The following EXOC6B variants were observed in gnomAD, a reference collection of about 807,000 sequenced individuals.
The protein encoded by EXOC6B is exocyst complex component 6B.
Under a neutral mutation model 113.5 loss-of-function variants are expected in EXOC6B, and 54 were observed. That is an observed-to-expected ratio of 0.48 (90% confidence interval 0.38 to 0.60). The LOEUF (loss-of-function observed/expected upper bound fraction) is 0.60. EXOC6B is among the 20% of genes least tolerant of loss of function. The pLI is 0.00. For synonymous variants in EXOC6B, 357 were observed against 339.0 expected (o/e 1.05, Z -0.58); for missense variants, 797 against 977.5 (o/e 0.82, Z 2.46).
At chr2:72,339,936 A>C (rs541647236) in intron 19 of EXOC6B, among the ~76,000 whole-genome samples, 4 of 152,266 alleles carry the variant, frequency 2.6e-5, no homozygotes, top group Non-Finnish European at 5.9e-5. Flanking sequence ...ATTTTTAAAA[A>C]CTATTAATTT....
intron 6 of EXOC6B, among the ~76,000 whole-genome samples, chr2:72,668,949 T>C (rs973503971): frequency 5.9e-5 from 9 of 152,288 alleles, no homozygotes; most frequent in Admixed American, 3.9e-4. Flanking sequence ...TTGCTGGGTG[T>C]GGTGGCATGC....
intron 16 of EXOC6B, among the ~76,000 whole-genome samples, chr2:72,491,069 T>C (rs1308455754): frequency 6.6e-6 from 1 of 152,202 alleles, no homozygotes; most frequent in Non-Finnish European, 1.5e-5. Context: ...GACTTCCTAA[T>C]TTTCACTCCA....
chr2:72,725,436 G>A (rs1381638243), intron 5 of EXOC6B, among the ~76,000 whole-genome samples: 1 of 151,922 alleles, frequency 6.6e-6, no homozygotes, highest in African/African-American at 2.4e-5. Context: ...CTGTCGCCCA[G>A]GCTGGAGTGC....
intron 1 of EXOC6B, among the ~76,000 whole-genome samples, chr2:72,791,715 C>G (rs1684682681): frequency 6.6e-6 from 1 of 152,176 alleles, no homozygotes; most frequent in Non-Finnish European, 1.5e-5. Flanking sequence ...GGATATGTAT[C>G]TACAAACCTA....
chr2:72,224,432 A>G (rs1681070783), intron 20 of EXOC6B, among the ~76,000 whole-genome samples: 1 of 152,172 alleles, frequency 6.6e-6, no homozygotes, highest in African/African-American at 2.4e-5. Context: ...ACAAAGATAC[A>G]TACTACTCAA....
At chr2:72,792,149 C>T (rs1045764767) in intron 1 of EXOC6B, among the ~76,000 whole-genome samples, 1 of 152,168 alleles carries the variant, frequency 6.6e-6, no homozygotes, top group Admixed American at 6.6e-5. Flanking sequence ...TGAATACAGA[C>T]TAAGAACTAT....
chr2:72,354,506 G>C (rs1251738211), intron 19 of EXOC6B, among the ~76,000 whole-genome samples: 1 of 152,142 alleles, frequency 6.6e-6, no homozygotes, highest in African/African-American at 2.4e-5. Context: ...GGAGGAACAG[G>C]TTGCTTGCCC....
At chr2:72,642,979 G>A (rs1392241985) in intron 6 of EXOC6B, among the ~76,000 whole-genome samples, 3 of 151,654 alleles carry the variant, frequency 2.0e-5, no homozygotes, top group African/African-American at 4.8e-5. Flanking sequence ...CTTCTCAAAA[G>A]AAGACATTTA....
intron 7 of EXOC6B, among the ~76,000 whole-genome samples, chr2:72,568,935 A>C (rs1704357210): frequency 6.6e-6 from 1 of 151,918 alleles, no homozygotes; most frequent in South Asian, 2.1e-4. Context: ...ATTTCAAAAT[A>C]ACAGGGCACT....
At chr2:72,388,622 TA>T (rs1279194563) in intron 18 of EXOC6B, among the ~76,000 whole-genome samples, 1 of 152,188 alleles carries the variant, frequency 6.6e-6, no homozygotes, top group East Asian at 1.9e-4. Flanking sequence ...TTTATTTTAA[TA>T]ATTTTAATTT....
At chr2:72,318,261 T>C (rs1227260299) in intron 20 of EXOC6B, among the ~76,000 whole-genome samples, 1 of 152,152 alleles carries the variant, frequency 6.6e-6, no homozygotes, top group East Asian at 1.9e-4. Context: ...TACTGACCCA[T>C]GGTAAAATCA....
intron 8 of EXOC6B, among the ~76,000 whole-genome samples, chr2:72,533,507 C>T (rs918335569): frequency 7.2e-5 from 11 of 152,222 alleles, no homozygotes; most frequent in African/African-American, 2.7e-4. Context: ...AGGCAACACT[C>T]CCAATCTTTG....
At chr2:72,693,563 A>T (rs1677654459) in intron 6 of EXOC6B, among the ~76,000 whole-genome samples, 1 of 152,210 alleles carries the variant, frequency 6.6e-6, no homozygotes, top group African/African-American at 2.4e-5. Flanking sequence ...CCTTTGAATC[A>T]TTCTGAAAAA....
intron 6 of EXOC6B, among the ~76,000 whole-genome samples, chr2:72,584,043 T>C (rs1705395474): frequency 6.6e-6 from 1 of 151,892 alleles, no homozygotes; most frequent in African/African-American, 2.4e-5. Flanking sequence ...GTTCTAAACA[T>C]GGAAACAAAA....
Position 72,338,964 on chromosome 2 carries a change from TACATAC to T in EXOC6B, c.2123-3950_2123-3945del, listed in dbSNP as rs747328471. On this transcript the variant is annotated intron_variant, in intron 19 of 21. Transcript: ENST00000272427. ...ATACACATACACATACACATACACA[TACATAC>T]ACATACACATACACATTATGTAGTG... Among the ~76,000 whole-genome samples, 197 of 114,422 alleles carry T rather than the reference TACATAC, an allele frequency of 1.7e-3. No homozygotes were observed. The South Asian group carries it at 0.018, about 11-fold the overall frequency. The allele number at this position is 114,422 out of a possible 152,430, so 75.1% of individuals were successfully genotyped here.
chr2:72,618,926 G>A (rs1671564731), intron 6 of EXOC6B, among the ~76,000 whole-genome samples: 1 of 152,188 alleles, frequency 6.6e-6, no homozygotes, highest in Admixed American at 6.5e-5. Context: ...ATTAGCAACT[G>A]AAATTCCCTT....
intron 19 of EXOC6B, among the ~76,000 whole-genome samples, chr2:72,359,380 A>G (rs754606392): frequency 6.6e-6 from 1 of 152,154 alleles, no homozygotes; most frequent in Non-Finnish European, 1.5e-5. Flanking sequence ...AGATCACAGC[A>G]TTTGAACCCT....
At chr2:72,243,952 T>C (rs1320331017) in intron 20 of EXOC6B, among the ~76,000 whole-genome samples, 1 of 152,192 alleles carries the variant, frequency 6.6e-6, no homozygotes, top group Non-Finnish European at 1.5e-5. Context: ...TTCACTATTA[T>C]AGTTAGAGGC....
At chr2:72,621,448 A>T (rs1250187640) in intron 6 of EXOC6B, among the ~76,000 whole-genome samples, 2 of 152,160 alleles carry the variant, frequency 1.3e-5, no homozygotes, top group African/African-American at 4.8e-5. Flanking sequence ...AGTGGTAGCC[A>T]AACACTGAGC....
Sources: allele counts gnomAD v4.1 joint callset (sites outside exome capture counted in the v4.1 genomes callset), GRCh38; gene constraint gnomAD v4.1.1; transcripts MANE v1.5; gene names NCBI Gene and HGNC (gene_info 2026-07-23, HGNC 2026-07-21).